The following SLC12A5 variants were observed in gnomAD, a reference collection of about 807,000 sequenced individuals.
SLC12A5 encodes solute carrier family 12 member 5.
In SLC12A5, 18 loss-of-function variants were observed where a neutral mutation model predicts 124.0. The observed-to-expected ratio is 0.15, with a 90% CI of 0.10 to 0.22. The LOEUF (loss-of-function observed/expected upper bound fraction) is 0.22. Ranked by LOEUF, SLC12A5 falls within the 10% of genes least tolerant of loss-of-function variation. The pLI, the probability that SLC12A5 is intolerant of heterozygous loss-of-function variation, is 1.00. For synonymous variants in SLC12A5, 589 were observed against 568.0 expected, an observed-to-expected ratio of 1.04 and a Z score of -0.53; for missense variants, 867 against 1,478.7, an observed-to-expected ratio of 0.59 and a Z score of 6.78.
intron 5 of SLC12A5, among the ~76,000 whole-genome samples, 168 bp from the exon 6 acceptor site, chr20:46,037,087 T>C (rs904971389): frequency 2.0e-5 from 3 of 151,976 alleles, no homozygotes; most frequent in African/African-American, 7.3e-5. Flanking sequence ...GCAAAATCCA[T>C]GCAGAGTGGT....
rs1355791225 is a variant in SLC12A5 at position 46,029,393 on chromosome 20, C to T, written c.49C>T (p.Pro17Ser). 6.5e-7 allele frequency: 1 copy of T among 1,549,418 alleles called. No individual in the cohort carries two copies. Among genetic ancestry groups the T allele is most frequent in the Non-Finnish European group, 8.7e-7 (1 of 1,146,502 alleles). Residue 17 changes from proline (P) to serine (S), a missense_variant, in exon 1 of 26, where the codon CCG (proline) becomes TCG (serine). Coordinates refer to ENST00000243964, the MANE Select transcript of SLC12A5 (RefSeq NM_020708.5). ...DCEDGDGGAN[P>S]GDGNPKESSP... ...CGAGGACGGCGATGGGGGAGCCAAC[C>T]CGGGTAAGCTGTGGTCCGGGGGCGG...
In SLC12A5 at chr20:46,059,565, A is replaced by G. The variant is rs2084732781; in HGVS notation, c.*1960A>G. ...GCAGAAGGGGGCTGTATCAACATCA[A>G]TTAGGGAACCAAAGTTGCACTATCT... On this transcript the variant is annotated 3_prime_UTR_variant, in exon 26 of 26. Coordinates refer to ENST00000243964, the MANE Select transcript of SLC12A5 (RefSeq NM_020708.5). 1.8e-5 allele frequency: 7 copies of G among 398,952 alleles called. No homozygotes were observed. Among genetic ancestry groups the G allele is most frequent in the Middle Eastern group, 6.2e-4 (1 of 1,608 alleles). The allele number at this position is 398,952 out of a possible 1,614,324, so 24.7% of individuals were successfully genotyped here. A position where few individuals can be genotyped will look rare whatever the true frequency, so the allele number is the denominator to read the frequency against.
Position 46,045,191 on chromosome 20 carries a change from G to T in SLC12A5, c.1569+51G>T, listed in dbSNP as rs1390997698. 11 of 1,514,952 alleles carry T rather than the reference G, an allele frequency of 7.3e-6. No homozygotes were observed. The highest frequency in any genetic ancestry group is 2.1e-5 in the Admixed American group (1 of 47,398). 93.8% of individuals were successfully genotyped at this position (1,514,952 alleles called of 1,614,324 possible). On this transcript the variant is annotated intron_variant, in intron 12 of 25. Coordinates refer to ENST00000243964, the MANE Select transcript of SLC12A5 (RefSeq NM_020708.5). The surrounding 1 kb of genome is among the most constrained non-coding windows in gnomAD (Gnocchi z 4.9). Reference sequence around the variant, plus strand: ...CCCTCAGTAGACCAGCCAGGCCCCTGCCCAGAGAGACCACACAGTGACCCA... The same window carrying T: ...CCCTCAGTAGACCAGCCAGGCCCCTTCCCAGAGAGACCACACAGTGACCCA...
chr20:46,049,554 G>T, intron 16 of SLC12A5, 68 bp from the exon 17 acceptor site: 1 of 1,538,692 alleles, frequency 6.5e-7, no homozygotes, highest in Non-Finnish European at 8.8e-7. Flanking sequence ...TGACCTGGTG[G>T]TGGGTGTATG....
intron 13 of SLC12A5, 101 bp downstream of exon 13, chr20:46,046,097 C>T: frequency 8.9e-7 from 1 of 1,123,452 alleles, no homozygotes; most frequent in African/African-American, 1.5e-5. Context: ...ACTTTAGCAA[C>T]CCCAGGAAGT....
upstream of SLC12A5, among the ~76,000 whole-genome samples, chr20:46,026,738 C>G (rs1360130436): frequency 1.3e-5 from 2 of 152,128 alleles, no homozygotes; most frequent in Admixed American, 6.5e-5. Flanking sequence ...CCTGATTTTG[C>G]CCAGAGATAC....
intron 18 of SLC12A5, among the ~76,000 whole-genome samples, chr20:46,052,269 T>C (rs767147702): frequency 1.3e-5 from 2 of 152,258 alleles, no homozygotes; most frequent in Non-Finnish European, 2.9e-5. Flanking sequence ...ATAGTATATA[T>C]AATAACTAAC....
At position 46,053,682 on chromosome 20, in the gene SLC12A5, C is replaced by A; in HGVS notation, c.2652C>A (p.Ile884=). 1 of 1,608,004 alleles carries A rather than the reference C, an allele frequency of 6.2e-7. No individual in the cohort carries two copies. ...DLTTFLYHLR[I]TAEVEVVEMH... is the part of the protein sequence containing the mutation. ...CCACATTTCTGTATCATTTACGCAT[C>A]ACTGCGGAGGTCGAGGTGGTGGAGA... Residue 884 remains isoleucine, a synonymous_variant, in exon 20 of 26, where the codon ATC becomes ATA. Transcript: ENST00000243964. The surrounding 1 kb of genome is among the most constrained non-coding windows in gnomAD (Gnocchi z 4.7).
In SLC12A5 at chr20:46,058,423, G is replaced by A. The variant is rs6032641; in HGVS notation, c.*818G>A. 5.9e-4 allele frequency: 235 copies of A among 399,018 alleles called. 5 individuals are homozygous for A. In the South Asian group the frequency reaches 0.02, roughly 35 times the overall value. The allele number at this position is 399,018 out of a possible 1,614,324, so 24.7% of individuals were successfully genotyped here. A position where few individuals can be genotyped will look rare whatever the true frequency, so the allele number is the denominator to read the frequency against. On this transcript the variant is annotated 3_prime_UTR_variant, in exon 26 of 26. Coordinates refer to ENST00000243964, the MANE Select transcript of SLC12A5 (RefSeq NM_020708.5). This position sits in a 1 kb window ranked among gnomAD's most constrained non-coding sequence, Gnocchi z 5.8. ...CTTTTCCGAGATGAGGTGAGACAAG[G>A]GTCCAACTTTTCCTGGATTCGCCTC...
Position 46,058,622 on chromosome 20 carries a change from G to C in SLC12A5, c.*1017G>C, listed in dbSNP as rs1262970579. ...CCGGTGCCTTCGCTGGGGAGCAGGCGTCTCTCCTCAGTCGGCTTGTCGCCT... is the reference window on the plus strand; with the variant it reads ...CCGGTGCCTTCGCTGGGGAGCAGGCCTCTCTCCTCAGTCGGCTTGTCGCCT... On this transcript the variant is annotated 3_prime_UTR_variant, in exon 26 of 26. Coordinates refer to ENST00000243964, the MANE Select transcript of SLC12A5 (RefSeq NM_020708.5). The surrounding 1 kb of genome is among the most constrained non-coding windows in gnomAD (Gnocchi z 5.8). 5.0e-6 allele frequency: 2 copies of C among 398,948 alleles called. No individual in the cohort carries two copies. Among genetic ancestry groups the C allele is most frequent in the Non-Finnish European group, 8.8e-6 (2 of 226,112 alleles). 24.7% of individuals were successfully genotyped at this position (398,948 alleles called of 1,614,324 possible). A position where few individuals can be genotyped will look rare whatever the true frequency, so the allele number is the denominator to read the frequency against.
Position 46,056,385 on chromosome 20 carries a change from G to C in SLC12A5, c.2931G>C (p.Gln977His). The change falls in exon 23 of 26, where the codon CAG becomes CAC. Residue 977 changes from glutamine (Q) to histidine (H), a missense_variant. Around this residue, in one of 9 missense-constraint regions of SLC12A5, gnomAD observed 180 missense variants for 243.6 expected, o/e 0.74. Coordinates refer to ENST00000243964, the MANE Select transcript of SLC12A5 (RefSeq NM_020708.5). This position sits in a 1 kb window ranked among gnomAD's most constrained non-coding sequence, Gnocchi z 4.3. ...CTCAGGTGCAGCTGATCCACGATCA[G>C]AGTGCTCCCAGCTGCCCCAGCAGCT... ...PEEEVQLIHD[Q>H]SAPSCPSSSP... The C allele has an allele frequency of 6.2e-7, 1 of 1,612,176 alleles. No homozygotes were observed. Among genetic ancestry groups the C allele is most frequent in the East Asian group, 2.2e-5 (1 of 44,860 alleles).
Position 46,056,487 on chromosome 20 carries a change from C to G in SLC12A5, c.3033C>G (p.Asp1011Glu), listed in dbSNP as rs2084695742. ...PEKVHLTWTK[D>E]KSVAEKNKGP... ...AGGTGCATCTCACCTGGACCAAGGA[C>G]AAGTCGGTGGCAGAGAAGAATAAGG... The change falls in exon 23 of 26, where the codon GAC becomes GAG. Residue 1011 changes from aspartate (D) to glutamate (E), a missense_variant. Physicochemically the swap from Asp to Glu is conservative, Grantham distance 45. Coordinates refer to ENST00000243964, the MANE Select transcript of SLC12A5 (RefSeq NM_020708.5). The surrounding 1 kb of genome is among the most constrained non-coding windows in gnomAD (Gnocchi z 4.3). 1 of 1,614,190 alleles carries G rather than the reference C, an allele frequency of 6.2e-7. No individual in the cohort carries two copies. The highest frequency in any genetic ancestry group is 8.5e-7 in the Non-Finnish European group (1 of 1,180,020).
In SLC12A5 at chr20:46,058,714, G is replaced by A. The variant is rs1220316698; in HGVS notation, c.*1109G>A. On this transcript the variant is annotated 3_prime_UTR_variant, in exon 26 of 26. Coordinates refer to ENST00000243964, the MANE Select transcript of SLC12A5 (RefSeq NM_020708.5). The surrounding 1 kb of genome is among the most constrained non-coding windows in gnomAD (Gnocchi z 5.8). ...TGGAGCTGGAGGGCGCCCCCTCCCC[G>A]GAGTTTCCTCCCTGGGACAAGTGAG... 1 of 399,014 alleles carries A rather than the reference G, an allele frequency of 2.5e-6. No homozygotes were observed. Among genetic ancestry groups the A allele is most frequent in the Non-Finnish European group, 4.4e-6 (1 of 226,092 alleles). 24.7% of individuals were successfully genotyped at this position (399,014 alleles called of 1,614,324 possible). A position where few individuals can be genotyped will look rare whatever the true frequency, so the allele number is the denominator to read the frequency against.
rs190924143 is a variant in SLC12A5 at position 46,048,029 on chromosome 20, G to A, written c.1956G>A (p.Ala652=). Residue 652 remains alanine (A), a synonymous_variant, in exon 16 of 26, where the codon GCG becomes GCA. Coordinates refer to ENST00000243964, the MANE Select transcript of SLC12A5 (RefSeq NM_020708.5). ...GDGIRGLSLS[A]ARYALLRLEE... ...GGATACGAGGTCTGTCTCTCAGTGCGGCTCGCTATGCCCTCTTACGCCTGG... is the reference window on the plus strand; with the variant it reads ...GGATACGAGGTCTGTCTCTCAGTGCAGCTCGCTATGCCCTCTTACGCCTGG... 155 of 1,613,002 alleles carry A rather than the reference G, an allele frequency of 9.6e-5. No homozygotes were observed. Among genetic ancestry groups the A allele is most frequent in the East Asian group, 5.8e-4 (26 of 44,852 alleles).
chr20:46,035,050 G>A lies in SLC12A5; in HGVS notation c.147+8G>A. ...AACATGGCCTTGTTTGAGGTGGGCT[G>A]CTAGGGCTGTTGGGCCCCCACCTAC... is the stretch of plus-strand genomic sequence containing the variant. On this transcript the variant is annotated splice_region_variant and intron_variant, in intron 2 of 25. Coordinates refer to ENST00000243964, the MANE Select transcript of SLC12A5 (RefSeq NM_020708.5). The A allele has an allele frequency of 6.2e-7, 1 of 1,613,536 alleles. No homozygotes were observed. Among genetic ancestry groups the A allele is most frequent in the Non-Finnish European group, 8.5e-7 (1 of 1,179,590 alleles).
intron 3 of SLC12A5, 76 bp from the exon 4 acceptor site, chr20:46,035,701 A>C (rs1317527882): frequency 1.9e-6 from 3 of 1,548,802 alleles, no homozygotes; most frequent in Non-Finnish European, 2.6e-6. Context: ...GGGGGCAGAG[A>C]AACATGGAGG....
In SLC12A5 at chr20:46,053,279, T is replaced by A. The variant is rs2084662257; in HGVS notation, c.2547+153T>A. ...CCCCTGTAAACTCCTGGGAAAGGGA[T>A]CTGCTGACCTACTTCATTCTGAGAT... On this transcript the variant is annotated intron_variant, in intron 19 of 25. Coordinates refer to ENST00000243964, the MANE Select transcript of SLC12A5 (RefSeq NM_020708.5). This position sits in a 1 kb window ranked among gnomAD's most constrained non-coding sequence, Gnocchi z 4.7. Among the ~76,000 whole-genome samples, 1 of 152,238 alleles carries A rather than the reference T, an allele frequency of 6.6e-6. No homozygotes were observed. Among genetic ancestry groups the A allele is most frequent in the South Asian group, 2.1e-4 (1 of 4,836 alleles).
chr20:46,051,020 A>C (rs1600603188), intron 17 of SLC12A5, among the ~76,000 whole-genome samples: 1 of 152,146 alleles, frequency 6.6e-6, no homozygotes, highest in Non-Finnish European at 1.5e-5. Flanking sequence ...CAGAGATAGG[A>C]GTTGAACTTC....
In SLC12A5 at chr20:46,053,850, A is replaced by C. The variant is rs2084666865; in HGVS notation, c.2679+141A>C. ...TCATCCATCTCTTAGCCTCTCACAT[A>C]TTCAGCCATCCCTCCCTTCTCTATA... On this transcript the variant is annotated intron_variant, in intron 20 of 25. Coordinates refer to ENST00000243964, the MANE Select transcript of SLC12A5 (RefSeq NM_020708.5). This position sits in a 1 kb window ranked among gnomAD's most constrained non-coding sequence, Gnocchi z 4.7. 1.0e-6 allele frequency: 1 copy of C among 977,348 alleles called. No individual in the cohort carries two copies. The allele number at this position is 977,348 out of a possible 1,614,324, so 60.5% of individuals were successfully genotyped here.
Sources: allele counts gnomAD v4.1 joint callset (sites outside exome capture counted in the v4.1 genomes callset), GRCh38; gene constraint gnomAD v4.1.1; regional missense constraint gnomAD v4.1.1; non-coding constraint Gnocchi (gnomAD v3.1); transcripts MANE v1.5; gene names NCBI Gene and HGNC (gene_info 2026-07-23, HGNC 2026-07-21).